PDE3B: variants seen among roughly 807,000 people sequenced by gnomAD.
The protein encoded by PDE3B is phosphodiesterase 3B.
A neutral mutation model predicts 116.8 loss-of-function variants in PDE3B; 66 were observed. The observed-to-expected ratio is 0.56, with a 90% CI of 0.46 to 0.69. The LOEUF (loss-of-function observed/expected upper bound fraction) is 0.69. Among genes scored for constraint, PDE3B ranks in the 30% least tolerant of loss-of-function variants. PDE3B has a pLI of 0.00. For missense variants in PDE3B, 1,384 were observed against 1,368.1 expected (o/e 1.01, Z -0.18); for synonymous variants, 595 against 533.6 (o/e 1.12, Z -1.59).
intron 1 of PDE3B, among the ~76,000 whole-genome samples, chr11:14,649,241 C>G (rs1853497009): frequency 6.6e-6 from 1 of 152,208 alleles, no homozygotes; most frequent in Non-Finnish European, 1.5e-5. Context: ...CTAGCACACT[C>G]TTCTAAGCCT....
chr11:14,869,165 C>T (rs150991789), intron 15 of PDE3B, among the ~76,000 whole-genome samples: 123 of 152,204 alleles, frequency 8.1e-4, no homozygotes, highest in African/African-American at 2.8e-3. Flanking sequence ...CATACCCAGC[C>T]AGTTTTCCCT....
chr11:14,688,992 C>T (rs985995813), intron 1 of PDE3B, among the ~76,000 whole-genome samples: 2 of 152,142 alleles, frequency 1.3e-5, no homozygotes, highest in Non-Finnish European at 1.5e-5. Context: ...AGGCTGGTCT[C>T]GAACTCCTGA....
At chr11:14,667,855 AT>A (rs1340920964) in intron 1 of PDE3B, among the ~76,000 whole-genome samples, 1 of 151,538 alleles carries the variant, frequency 6.6e-6, no homozygotes, top group Non-Finnish European at 1.5e-5. Context: ...AATAATAATA[AT>A]AATAAAAGAA....
chr11:14,732,128 C>T (rs1261979712), intron 1 of PDE3B, among the ~76,000 whole-genome samples: 3 of 152,032 alleles, frequency 2.0e-5, no homozygotes, highest in East Asian at 1.9e-4. Flanking sequence ...GAGAGAAGAG[C>T]GAAAGTCCAA....
At chr11:14,789,823 G>C (rs1420400721) in intron 4 of PDE3B, among the ~76,000 whole-genome samples, 1 of 152,002 alleles carries the variant, frequency 6.6e-6, no homozygotes, top group Non-Finnish European at 1.5e-5. Flanking sequence ...AAATGCAGGA[G>C]CTGAAATCTC....
At chr11:14,771,534 A>G (rs1054380516) in intron 1 of PDE3B, among the ~76,000 whole-genome samples, 1 of 151,818 alleles carries the variant, frequency 6.6e-6, no homozygotes, top group African/African-American at 2.4e-5. Flanking sequence ...TGTTTTTGAC[A>G]GAAGTACCTT....
At chr11:14,649,557 A>T (rs767959524) in intron 1 of PDE3B, among the ~76,000 whole-genome samples, 82 of 152,260 alleles carry the variant, frequency 5.4e-4, no homozygotes, top group Non-Finnish European at 9.9e-4. Flanking sequence ...GCTGTACTTA[A>T]TTTTGCCAGG....
rs1555008717 is a variant in PDE3B, at chr11:14,869,642, G to C, written c.3321G>C (p.Glu1107Asp). The stretch of plus-strand genomic sequence containing the variant: ...CAGATGAGATTCAGGTAATTGAAGA[G>C]GCAGATGAAGAGGAATAGCGACAGT... The part of the protein sequence containing the change: ...PQADEIQVIE[E>D]ADEEE Residue 1107 changes from glutamate (E) to aspartate (D), a missense_variant, in exon 16 of 16, where the codon GAG becomes GAC. Coordinates refer to ENST00000282096, the MANE Select transcript of PDE3B (RefSeq NM_000922.4). 1.2e-6 allele frequency: 2 copies of C among 1,613,664 alleles called. No individual in the cohort carries two copies. Among genetic ancestry groups the C allele is most frequent in the Admixed American group, 3.3e-5 (2 of 59,988 alleles).
At chr11:14,746,256 T>C (rs1302955931) in intron 1 of PDE3B, among the ~76,000 whole-genome samples, 1 of 152,012 alleles carries the variant, frequency 6.6e-6, no homozygotes, top group Admixed American at 6.5e-5. Flanking sequence ...TAGCTGGGCG[T>C]GGTGGCATTC....
At chr11:14,768,809 C>A (rs1308201306) in intron 1 of PDE3B, among the ~76,000 whole-genome samples, 3 of 151,346 alleles carry the variant, frequency 2.0e-5, no homozygotes, top group African/African-American at 7.3e-5. Flanking sequence ...AATATATAAA[C>A]CTTTACTCTG....
intron 4 of PDE3B, among the ~76,000 whole-genome samples, chr11:14,799,863 G>A (rs1261176315): frequency 6.6e-6 from 1 of 150,468 alleles, no homozygotes; most frequent in African/African-American, 2.4e-5. Context: ...CCTGAATACA[G>A]CACACTGATG....
At position 14,685,764 on chromosome 11, in the gene PDE3B, C is replaced by T. The variant is rs542702118; in HGVS notation, c.978+40711C>T. On this transcript the variant is annotated intron_variant, in intron 1 of 15. Transcript: ENST00000282096. ...AGCCACTGCACCTGGCCTCATCTTT[C>T]GTGAGTTAAGTTTTATATCATCCTT... Among the ~76,000 whole-genome samples the T allele has an allele frequency of 8.5e-5, 13 of 152,146 alleles. No individual in the cohort carries two copies. The East Asian group carries it at 1.9e-3, about 23-fold the overall frequency.
chr11:14,874,927 A>C (rs1371919840), downstream of PDE3B, among the ~76,000 whole-genome samples: 2 of 152,172 alleles, frequency 1.3e-5, no homozygotes, highest in African/African-American at 2.4e-5. Context: ...ATACCTGTTT[A>C]ACAGTTTAGG....
At chr11:14,728,291 T>C (rs1856369587) in intron 1 of PDE3B, among the ~76,000 whole-genome samples, 1 of 152,066 alleles carries the variant, frequency 6.6e-6, no homozygotes. Flanking sequence ...TTTTTATGCT[T>C]TCTGTGAAAG....
At chr11:14,810,114 T>C (rs1301493293) in intron 5 of PDE3B, among the ~76,000 whole-genome samples, 1 of 152,148 alleles carries the variant, frequency 6.6e-6, no homozygotes, top group South Asian at 2.1e-4. Flanking sequence ...AAAGTTTAAA[T>C]AGATAAATAT....
At chr11:14,869,138 G>A (rs1332191642) in intron 15 of PDE3B, among the ~76,000 whole-genome samples, 8 of 151,968 alleles carry the variant, frequency 5.3e-5, no homozygotes, top group East Asian at 3.9e-4. Flanking sequence ...ATTTCAGCAC[G>A]CTTCTTCCCT....
chr11:14,861,446 A>T (rs1027765934), intron 14 of PDE3B, 80 bp downstream of exon 14: 1 of 1,299,468 alleles, frequency 7.7e-7, no homozygotes, highest in Non-Finnish European at 1.1e-6. Flanking sequence ...GGATAGCTTT[A>T]TTAAGTGTTT....
At chr11:14,766,291 T>G (rs1857492847) in intron 1 of PDE3B, among the ~76,000 whole-genome samples, 1 of 151,544 alleles carries the variant, frequency 6.6e-6, no homozygotes, top group African/African-American at 2.4e-5. Context: ...CAACCAAAAT[T>G]ATAATTTATG....
At chr11:14,860,142 T>C (rs969222046) in intron 13 of PDE3B, among the ~76,000 whole-genome samples, 2 of 152,330 alleles carry the variant, frequency 1.3e-5, no homozygotes, top group East Asian at 3.9e-4. Flanking sequence ...TATTTCATAG[T>C]TGTATAGTCT....
Sources: allele counts gnomAD v4.1 joint callset (sites outside exome capture counted in the v4.1 genomes callset), GRCh38; gene constraint gnomAD v4.1.1; transcripts MANE v1.5; gene names NCBI Gene and HGNC (gene_info 2026-07-23, HGNC 2026-07-21).